Variants in PRDM2 observed in about 807,000 individuals in gnomAD.
The protein encoded by PRDM2 is PR domain zinc finger protein 2.
A neutral mutation model predicts 130.0 loss-of-function variants in PRDM2; 30 were observed. That is an observed-to-expected ratio of 0.23 (90% CI 0.17 to 0.31). The LOEUF is 0.31. Ranked by LOEUF, PRDM2 falls within the 10% of genes least tolerant of loss-of-function variation. The probability of loss-of-function intolerance (pLI) is 1.00; values close to 1 mark genes in which losing one functional copy is unlikely to be tolerated. For missense variants in PRDM2, 2,011 were observed against 2,108.4 expected (o/e 0.95, Z 0.90); for synonymous variants, 871 against 782.4 (o/e 1.11, Z -1.89).
chr1:13,782,920 T>TC, intron 8 of PRDM2, 89 bp downstream of exon 8: 2 of 1,576,566 alleles, frequency 1.3e-6, no homozygotes, highest in South Asian at 2.3e-5. Flanking sequence ...TTGCTTTTTT[T>TC]TTTTTTTTTC....
At chr1:13,804,197 C>T (rs1045240639) in intron 8 of PRDM2, among the ~76,000 whole-genome samples, 1 of 152,168 alleles carries the variant, frequency 6.6e-6, no homozygotes, top group African/African-American at 2.4e-5. Flanking sequence ...ACTAATTCCT[C>T]ATGGTCAACT....
At chr1:13,770,265 A>G (rs1221318163) in intron 6 of PRDM2, 3 of 450,260 alleles carry the variant, frequency 6.7e-6, no homozygotes, top group Non-Finnish European at 1.3e-5. Context: ...TTTGACATTT[A>G]GTATCAGCTA....
chr1:13,719,527 G>T (rs1642654918), intron 2 of PRDM2, among the ~76,000 whole-genome samples: 1 of 152,208 alleles, frequency 6.6e-6, no homozygotes, highest in South Asian at 2.1e-4. Context: ...CAAGAGTGTG[G>T]TGATAACGTG....
Position 13,823,598 on chromosome 1 carries a change from C to G in PRDM2, c.*463C>G. The G allele has an allele frequency of 5.9e-6, 1 of 170,592 alleles. No individual in the cohort carries two copies. The highest frequency in any genetic ancestry group is 1.3e-5 in the Non-Finnish European group (1 of 79,768). The allele number at this position is 170,592 out of a possible 1,614,324, so 10.6% of individuals were successfully genotyped here. A position where few individuals can be genotyped will look rare whatever the true frequency, so the allele number is the denominator to read the frequency against. ...TTCAGGAGGAGGCCGAGTTCCCCTT[C>G]AGTACCACCCCTCTCTCCCCACCTT... On this transcript the variant is annotated 3_prime_UTR_variant, in exon 10 of 10. Coordinates refer to ENST00000311066, the MANE Select transcript of PRDM2 (RefSeq NM_001393986.1).
At chr1:13,813,358 G>A (rs776381085) in intron 8 of PRDM2, among the ~76,000 whole-genome samples, 39 of 152,094 alleles carry the variant, frequency 2.6e-4, no homozygotes, top group Non-Finnish European at 5.3e-4. Context: ...CGGGGTTGGG[G>A]GCACTGTGCT....
chr1:13,711,032 C>T (rs1402962339), intron 1 of PRDM2, among the ~76,000 whole-genome samples: 4 of 150,020 alleles, frequency 2.7e-5, no homozygotes, highest in Non-Finnish European at 5.9e-5. Context: ...TTGCAGTGAG[C>T]TGAGATCGTG....
rs372657263 is a variant in PRDM2 at position 13,706,910 on chromosome 1, TTA to T, written c.-66+6611_-66+6612del. On this transcript the variant is annotated intron_variant, in intron 1 of 9. Transcript: ENST00000311066. ...ATGTTTGTGAGAAGTAGTAACATAT[TTA>T]GAGAATAAATCCCAAATCTCAAATT... Among the ~76,000 whole-genome samples, 572 of 152,134 alleles carry T rather than the reference TTA, an allele frequency of 3.8e-3. 1 individual carries two copies. Among genetic ancestry groups the T allele is most frequent in the African/African-American group, 0.013 (555 of 41,522 alleles).
At chr1:13,703,615 T>C (rs1642128435) in intron 1 of PRDM2, among the ~76,000 whole-genome samples, 1 of 152,202 alleles carries the variant, frequency 6.6e-6, no homozygotes, top group Non-Finnish European at 1.5e-5. Flanking sequence ...CAATGTGAGG[T>C]ATCCTGGAGA....
intron 2 of PRDM2, among the ~76,000 whole-genome samples, chr1:13,718,571 A>G (rs1642621017): frequency 1.3e-5 from 2 of 152,136 alleles, no homozygotes; most frequent in African/African-American, 2.4e-5. Context: ...TCCCCGACCT[A>G]CATATTCTTT....
intron 7 of PRDM2, among the ~76,000 whole-genome samples, chr1:13,777,849 A>G (rs1255911571): frequency 6.6e-6 from 1 of 151,574 alleles, no homozygotes; most frequent in Non-Finnish European, 1.5e-5. Context: ...ATCTCCAAAG[A>G]TTGTCTAGCT....
chr1:13,823,474 A>G lies in PRDM2; in HGVS notation c.*339A>G, dbSNP rs1645386101. 2 of 444,406 alleles carry G rather than the reference A, an allele frequency of 4.5e-6. No individual in the cohort carries two copies. The highest frequency in any genetic ancestry group is 2.0e-5 in the African/African-American group (1 of 49,858). 27.5% of individuals were successfully genotyped at this position (444,406 alleles called of 1,614,324 possible). Reference sequence around the variant, plus strand: ...GGGGTGGGGCCTCTCCTACTATGCAATTTTTCAAGAGCTCCTTGACCCTGC... The same window carrying G: ...GGGGTGGGGCCTCTCCTACTATGCAGTTTTTCAAGAGCTCCTTGACCCTGC... On this transcript the variant is annotated 3_prime_UTR_variant, in exon 10 of 10. Coordinates refer to ENST00000311066, the MANE Select transcript of PRDM2 (RefSeq NM_001393986.1).
Position 13,782,153 on chromosome 1 carries a change from C to T in PRDM2, c.4358C>T (p.Ser1453Phe). Residue 1453 changes from serine to phenylalanine, a missense_variant, in exon 8 of 10, where the codon TCC (serine) becomes TTC (phenylalanine). This residue lies in a region of PRDM2 where 410 missense variants were observed against 395.9 expected (regional missense o/e 1.04). Coordinates refer to ENST00000311066, the MANE Select transcript of PRDM2 (RefSeq NM_001393986.1). Reference sequence around the variant, plus strand: ...GACTTGAAAAATGCTTGTGAGTCATCCTCTCACATCTGCCCTTACTGTAAT... The same window carrying T: ...GACTTGAAAAATGCTTGTGAGTCATTCTCTCACATCTGCCCTTACTGTAAT... The part of the protein sequence containing the change: ...KADLKNACES[S>F]SHICPYCNRE... 1 of 1,613,890 alleles carries T rather than the reference C, an allele frequency of 6.2e-7. No individual in the cohort carries two copies. Among genetic ancestry groups the T allele is most frequent in the Non-Finnish European group, 8.5e-7 (1 of 1,179,994 alleles).
rs776764475 is a variant in PRDM2 at position 13,779,906 on chromosome 1, C to A, written c.2111C>A (p.Ala704Glu). 1.2e-6 allele frequency: 2 copies of A among 1,614,178 alleles called. No individual in the cohort carries two copies. The highest frequency in any genetic ancestry group is 2.2e-5 in the South Asian group (2 of 91,080). ...LLQTQDKLTP[A>E]GISATEIAKL... ...CAAACCCAAGATAAACTAACTCCTG[C>A]AGGGATTTCAGCAACTGAAATAGCT... Residue 704 changes from alanine to glutamate, a missense_variant, in exon 8 of 10, where the codon GCA (alanine) becomes GAA (glutamate). By Grantham distance (107) the Ala-to-Glu change is moderately radical. Around this residue, in one of 5 missense-constraint regions of PRDM2, gnomAD observed 1,288 missense variants for 1,237.7 expected, o/e 1.04. Transcript: ENST00000311066. The surrounding 1 kb of genome is among the most constrained non-coding windows in gnomAD (Gnocchi z 4.9).
chr1:13,711,801 G>A (rs1642379035), intron 1 of PRDM2, among the ~76,000 whole-genome samples: 1 of 152,094 alleles, frequency 6.6e-6, no homozygotes, highest in African/African-American at 2.4e-5. Context: ...CTGGTTTTTA[G>A]CAATTAGGAT....
chr1:13,788,463 T>G (rs1644785082), intron 8 of PRDM2, among the ~76,000 whole-genome samples: 1 of 152,244 alleles, frequency 6.6e-6, no homozygotes, highest in African/African-American at 2.4e-5. Context: ...ATACTCAGTT[T>G]ATGTGAAATT....
intron 5 of PRDM2, 93 bp from the exon 6 acceptor site, chr1:13,749,268 G>C: frequency 8.3e-7 from 1 of 1,198,980 alleles, no homozygotes; most frequent in Non-Finnish European, 1.1e-6. Context: ...TTTGCCATCG[G>C]CGCCGCTCCC....
At chr1:13,795,513 G>A (rs1644909380) in intron 8 of PRDM2, among the ~76,000 whole-genome samples, 1 of 152,166 alleles carries the variant, frequency 6.6e-6, no homozygotes, top group Non-Finnish European at 1.5e-5. Context: ...CCCTGGTCAC[G>A]CCCCTGTGCC....
intron 6 of PRDM2, among the ~76,000 whole-genome samples, chr1:13,757,221 C>A (rs1198659486): frequency 6.6e-6 from 1 of 152,202 alleles, no homozygotes; most frequent in Non-Finnish European, 1.5e-5. Context: ...CCTTCAAACA[C>A]CCCAAATAGT....
intron 4 of PRDM2, among the ~76,000 whole-genome samples, chr1:13,733,812 T>A (rs1228348631): frequency 6.6e-6 from 1 of 152,116 alleles, no homozygotes; most frequent in African/African-American, 2.4e-5. Context: ...TGTGACTCCT[T>A]TTCAAAACAA....
Sources: gnomAD v4.1 joint callset for allele counts (sites outside exome capture counted in the v4.1 genomes callset) on GRCh38, gnomAD v4.1.1 for gene constraint, gnomAD v4.1.1 regional missense constraint, Gnocchi (gnomAD v3.1) non-coding constraint, MANE v1.5 for transcripts, NCBI Gene and HGNC (gene_info 2026-07-23, HGNC 2026-07-21) for gene names.